Variants in SEMA3C observed in about 807,000 individuals in gnomAD.
SEMA3C encodes the protein semaphorin-3C.
A neutral mutation model predicts 89.4 loss-of-function variants in SEMA3C; 47 were observed. That is an observed-to-expected ratio of 0.53 (90% CI 0.42 to 0.67). The LOEUF (loss-of-function observed/expected upper bound fraction) is 0.67. Among genes scored for constraint, SEMA3C ranks in the 30% least tolerant of loss-of-function variants. The pLI, the probability that SEMA3C is intolerant of heterozygous loss-of-function variation, is 0.00. For synonymous variants in SEMA3C, 310 were observed against 320.2 expected (o/e 0.97, Z 0.34); for missense variants, 839 against 929.1 (o/e 0.90, Z 1.26).
chr7:80,752,782 G>A (rs1787966809), intron 15 of SEMA3C, among the ~76,000 whole-genome samples: 3 of 152,094 alleles, frequency 2.0e-5, no homozygotes, highest in Admixed American at 2.0e-4. Flanking sequence ...GCAATCCTCT[G>A]AGCATCACAC....
intron 13 of SEMA3C, among the ~76,000 whole-genome samples, chr7:80,763,686 A>C (rs1423988726): frequency 6.6e-6 from 1 of 152,224 alleles, no homozygotes; most frequent in Non-Finnish European, 1.5e-5. Flanking sequence ...GAGATATTTC[A>C]GTATTAAAAA....
chr7:80,906,666 T>G (rs1322178669), intron 2 of SEMA3C, among the ~76,000 whole-genome samples: 2 of 152,198 alleles, frequency 1.3e-5, no homozygotes, highest in Non-Finnish European at 2.9e-5. Flanking sequence ...TTAAAAGTGT[T>G]GAATACATTA....
chr7:80,879,723 A>C (rs1791289209), intron 2 of SEMA3C, among the ~76,000 whole-genome samples: 1 of 152,212 alleles, frequency 6.6e-6, no homozygotes, highest in South Asian at 2.1e-4. Flanking sequence ...GTGATATATT[A>C]GCTTTTGTTG....
chr7:80,893,889 A>T (rs1197083450), intron 2 of SEMA3C, among the ~76,000 whole-genome samples: 1 of 152,076 alleles, frequency 6.6e-6, no homozygotes, highest in Non-Finnish European at 1.5e-5. Context: ...GCACTTTTAA[A>T]ATGTAAACAA....
intron 5 of SEMA3C, among the ~76,000 whole-genome samples, chr7:80,814,084 C>A (rs1156757381): frequency 4.1e-5 from 5 of 122,146 alleles, no homozygotes; most frequent in Non-Finnish European, 8.9e-5. Context: ...TTTTTTTTTT[C>A]TTTTTTCTTT....
chr7:80,810,556 G>T, intron 6 of SEMA3C, 55 bp downstream of exon 6: 1 of 1,402,922 alleles, frequency 7.1e-7, no homozygotes, highest in Non-Finnish European at 1.0e-6. Context: ...ACCATGTCAA[G>T]CTAATTTTCC....
chr7:80,823,700 G>T (rs1789806606), intron 4 of SEMA3C, among the ~76,000 whole-genome samples: 1 of 151,992 alleles, frequency 6.6e-6, no homozygotes, highest in Admixed American at 6.6e-5. Flanking sequence ...AATCAAGTTT[G>T]ACACCATGTG....
At position 80,840,167 on chromosome 7, in the gene SEMA3C, G is replaced by A. The variant is rs573330146; in HGVS notation, c.104-11422C>T. ...ACTGCTTGTGTTTATACATAACACAGCAGGCTGTATACAAAACAGAAATAT... is the reference window on the plus strand; with the variant it reads ...ACTGCTTGTGTTTATACATAACACAACAGGCTGTATACAAAACAGAAATAT... On this transcript the variant is annotated intron_variant, in intron 2 of 17. Coordinates refer to ENST00000265361, the MANE Select transcript of SEMA3C (RefSeq NM_006379.5). 5.3e-5 allele frequency among the ~76,000 whole-genome samples: 8 copies of A among 152,148 alleles called. No homozygotes were observed. The East Asian group carries it at 1.6e-3, about 30-fold the overall frequency.
intron 17 of SEMA3C, 65 bp from the exon 18 acceptor site, chr7:80,745,372 A>G: frequency 7.0e-7 from 1 of 1,429,548 alleles, no homozygotes; most frequent in Non-Finnish European, 9.6e-7. Context: ...TATGACCAAC[A>G]TACACAGAAT....
At chr7:80,866,288 G>C (rs1211280619) in intron 2 of SEMA3C, among the ~76,000 whole-genome samples, 2 of 152,012 alleles carry the variant, frequency 1.3e-5, no homozygotes, top group Non-Finnish European at 2.9e-5. Flanking sequence ...ACTATCTTCT[G>C]AGGGGTCCAG....
chr7:80,780,402 A>G (rs1183005899), intron 12 of SEMA3C, among the ~76,000 whole-genome samples: 1 of 152,204 alleles, frequency 6.6e-6, no homozygotes, highest in Non-Finnish European at 1.5e-5. Flanking sequence ...AGAGCTCTAG[A>G]ACATAACATG....
At chr7:80,872,629 C>T (rs1460923785) in intron 2 of SEMA3C, among the ~76,000 whole-genome samples, 1 of 151,306 alleles carries the variant, frequency 6.6e-6, no homozygotes, top group Middle Eastern at 3.4e-3. Context: ...TGGTGAAACC[C>T]ATCTCTACTA....
In SEMA3C at chr7:80,742,588, C is replaced by A. The variant is rs951198093; in HGVS notation, c.*2306G>T. ...GCCAGGCCAATGATTTCATCAATAT[C>A]CAATTAAATTTTAGTGTGACAACTA... On this transcript the variant is annotated 3_prime_UTR_variant, in exon 18 of 18. Coordinates refer to ENST00000265361, the MANE Select transcript of SEMA3C (RefSeq NM_006379.5). The A allele has an allele frequency of 6.6e-6, 1 of 151,892 alleles. No individual in the cohort carries two copies. The highest frequency in any genetic ancestry group is 2.4e-5 in the African/African-American group (1 of 41,418). 9.4% of individuals were successfully genotyped at this position (151,892 alleles called of 1,614,324 possible).
chr7:80,786,602 G>A (rs910117785), intron 12 of SEMA3C, among the ~76,000 whole-genome samples: 2 of 152,146 alleles, frequency 1.3e-5, no homozygotes, highest in African/African-American at 2.4e-5. Context: ...CTGAGCTAAG[G>A]CTAAAAGCAA....
intron 15 of SEMA3C, among the ~76,000 whole-genome samples, chr7:80,752,479 G>A (rs1464461405): frequency 6.6e-6 from 1 of 151,944 alleles, no homozygotes; most frequent in Non-Finnish European, 1.5e-5. Flanking sequence ...GCATGGTGGT[G>A]CATGGTAGCA....
At chr7:80,757,492 G>C (rs1286873967) in intron 15 of SEMA3C, among the ~76,000 whole-genome samples, 1 of 152,118 alleles carries the variant, frequency 6.6e-6, no homozygotes, top group Non-Finnish European at 1.5e-5. Context: ...ACCACTCCAA[G>C]GATAAAGCAT....
intron 2 of SEMA3C, among the ~76,000 whole-genome samples, chr7:80,914,970 T>C (rs1792234314): frequency 6.6e-6 from 1 of 152,196 alleles, no homozygotes; most frequent in East Asian, 1.9e-4. Flanking sequence ...ACAGAATTGG[T>C]TCATTATCTC....
chr7:80,802,575 G>T, intron 9 of SEMA3C, 90 bp downstream of exon 9: 1 of 734,686 alleles, frequency 1.4e-6, no homozygotes, highest in African/African-American at 1.8e-5. Context: ...TGAAAATATG[G>T]AAAGTACATC....
chr7:80,880,973 C>G (rs1340176742), intron 2 of SEMA3C, among the ~76,000 whole-genome samples: 1 of 151,948 alleles, frequency 6.6e-6, no homozygotes, highest in Non-Finnish European at 1.5e-5. Context: ...GAAAGAAATA[C>G]CTCATCATAC....
Sources: gnomAD v4.1 joint callset for allele counts (sites outside exome capture counted in the v4.1 genomes callset) on GRCh38, gnomAD v4.1.1 for gene constraint, MANE v1.5 for transcripts, NCBI Gene and HGNC (gene_info 2026-07-23, HGNC 2026-07-21) for gene names.